ANKRD34B: variants seen among roughly 807,000 people sequenced by gnomAD.
The protein encoded by ANKRD34B is ankyrin repeat domain 34B, also known as ankyrin repeat domain-containing protein 34B.
A neutral mutation model predicts 4.4 loss-of-function variants in ANKRD34B; 2 were observed. The observed-to-expected ratio is 0.46, with a 90% CI of 0.19 to 1.44. The LOEUF (loss-of-function observed/expected upper bound fraction) is 1.44. Ranked by LOEUF, ANKRD34B falls within the 40% of genes most tolerant of loss-of-function variation. ANKRD34B has a pLI of 0.26. For missense variants in ANKRD34B, 558 were observed against 604.7 expected (o/e 0.92, Z 0.81); for synonymous variants, 226 against 227.1 (o/e 0.99, Z 0.05).
rs1746336850 is a variant in ANKRD34B, at chr5:80,559,049, CA to C, written c.970del (p.Cys324ValfsTer32). The part of the protein sequence containing the change: ...SRKMSYDEIN[C>X]QSYLSEGNQQ... The stretch of plus-strand genomic sequence containing the variant: ...ATTTCCTTCTGAAAGATAAGATTGA[CA>C]ATTTATTTCATCATATGACATCTTC... On this transcript the variant is annotated frameshift_variant, in exon 5 of 5. Transcript: ENST00000338682. LOFTEE classifies it low-confidence loss of function (END_TRUNC). 1 of 1,614,176 alleles carries C rather than the reference CA, an allele frequency of 6.2e-7. No individual in the cohort carries two copies. The highest frequency in any genetic ancestry group is 8.5e-7 in the Non-Finnish European group (1 of 1,180,020).
intron 3 of ANKRD34B, among the ~76,000 whole-genome samples, chr5:80,565,405 C>A: frequency 6.6e-6 from 1 of 152,214 alleles, no homozygotes; most frequent in African/African-American, 2.4e-5. Context: ...TATAAGCAAT[C>A]CCCAAATTCA....
Position 80,559,940 on chromosome 5 carries a change from C to G in ANKRD34B, c.80G>C (p.Arg27Thr). The G allele has an allele frequency of 1.2e-6, 2 of 1,614,102 alleles. No homozygotes were observed. Among genetic ancestry groups the G allele is most frequent in the Non-Finnish European group, 1.7e-6 (2 of 1,179,990 alleles). Residue 27 changes from arginine to threonine, a missense_variant, in exon 5 of 5, where the codon AGA becomes ACA. Physicochemically the swap from Arg to Thr is moderately conservative, Grantham distance 71 (BLOSUM62 -1). Coordinates refer to ENST00000338682, the MANE Select transcript of ANKRD34B (RefSeq NM_001004441.3). Reference protein sequence around the residue: ...AVHQSRLRLTRLLLEGGAYIN... With the variant: ...AVHQSRLRLTTLLLEGGAYIN... ...GTAGGCACCGCCTTCTAGCAAAAGT[C>G]TTGTGAGGCGAAGCCGGCTCTGATG...
chr5:80,567,957 A>G, intron 2 of ANKRD34B, among the ~76,000 whole-genome samples: 1 of 152,178 alleles, frequency 6.6e-6, no homozygotes, highest in Non-Finnish European at 1.5e-5. Flanking sequence ...AATGGGGATA[A>G]TATCTACTTT....
At position 80,558,861 on chromosome 5, in the gene ANKRD34B, C is replaced by G. The variant is rs373195260; in HGVS notation, c.1159G>C (p.Gly387Arg). 2 of 1,613,892 alleles carry G rather than the reference C, an allele frequency of 1.2e-6. No individual in the cohort carries two copies. Among genetic ancestry groups the G allele is most frequent in the South Asian group, 1.1e-5 (1 of 91,054 alleles). Residue 387 changes from glycine to arginine, a missense_variant, in exon 5 of 5, where the codon GGC becomes CGC. Transcript: ENST00000338682. ...AGLTPPTSED[G>R]KALIGKKKIL... ...TTTTTCTTTCCTATAAGTGCTTTGC[C>G]GTCTTCTGAAGTTGGAGGGGTAAGG... is the stretch of plus-strand genomic sequence containing the variant.
chr5:80,558,451 G>A lies in ANKRD34B; in HGVS notation c.*24C>T. Reference sequence around the variant, plus strand: ...TGTTTCTCTGATATAAACATTTGAAGAAGATGTGTTTTATACCCATCTCCT... The same window carrying A: ...TGTTTCTCTGATATAAACATTTGAAAAAGATGTGTTTTATACCCATCTCCT... On this transcript the variant is annotated 3_prime_UTR_variant, in exon 5 of 5. Transcript: ENST00000338682. The A allele has an allele frequency of 6.8e-7, 1 of 1,475,214 alleles. No individual in the cohort carries two copies. The highest frequency in any genetic ancestry group is 9.3e-7 in the Non-Finnish European group (1 of 1,076,190). The allele number at this position is 1,475,214 out of a possible 1,614,324, so 91.4% of individuals were successfully genotyped here. A position where few individuals can be genotyped will look rare whatever the true frequency, so the allele number is the denominator to read the frequency against.
intron 2 of ANKRD34B, among the ~76,000 whole-genome samples, chr5:80,568,652 A>G (rs1437813337): frequency 1.3e-5 from 2 of 152,176 alleles, no homozygotes; most frequent in Non-Finnish European, 2.9e-5. Context: ...AGAATAAAAG[A>G]TGCATCTGAG....
intron 4 of ANKRD34B, among the ~76,000 whole-genome samples, chr5:80,561,893 AT>A (rs1455562834): frequency 6.6e-6 from 1 of 151,736 alleles, no homozygotes; most frequent in Non-Finnish European, 1.5e-5. Context: ...TAGGGTTAAT[AT>A]GGCAGAACAC....
chr5:80,560,291 C>A (rs1181523817), intron 4 of ANKRD34B, among the ~76,000 whole-genome samples: 2 of 152,084 alleles, frequency 1.3e-5, no homozygotes, highest in Non-Finnish European at 2.9e-5. Context: ...CAAAATAGTA[C>A]TTTCCTAAGT....
chr5:80,569,936 C>T (rs1242642054), intron 1 of ANKRD34B, among the ~76,000 whole-genome samples: 1 of 152,182 alleles, frequency 6.6e-6, no homozygotes, highest in Non-Finnish European at 1.5e-5. Flanking sequence ...CGGCGGCCCT[C>T]GGCTGGCCCT....
chr5:80,566,502 A>C (rs1561395400), intron 3 of ANKRD34B, among the ~76,000 whole-genome samples, 187 bp downstream of exon 3: 1 of 152,192 alleles, frequency 6.6e-6, no homozygotes, highest in South Asian at 2.1e-4. Flanking sequence ...TGTGCAGGCC[A>C]AACGTTGAAG....
intron 3 of ANKRD34B, among the ~76,000 whole-genome samples, chr5:80,565,793 A>G (rs1168767207): frequency 6.6e-6 from 1 of 152,008 alleles, no homozygotes; most frequent in Admixed American, 6.5e-5. Flanking sequence ...CTAAGATGCT[A>G]TGCTTCTTCT....
At chr5:80,569,285 G>C (rs914327766) in intron 1 of ANKRD34B, among the ~76,000 whole-genome samples, 178 bp from the exon 2 acceptor site, 3 of 152,172 alleles carry the variant, frequency 2.0e-5, no homozygotes, top group African/African-American at 7.2e-5. Flanking sequence ...TCCCTGCGCC[G>C]CTCGCCCGCC....
chr5:80,564,010 A>G (rs1355805717), intron 3 of ANKRD34B, among the ~76,000 whole-genome samples, 195 bp from the exon 4 acceptor site: 1 of 152,220 alleles, frequency 6.6e-6, no homozygotes, highest in East Asian at 1.9e-4. Context: ...TTTGACCAAA[A>G]GTAGCATTTG....
intron 3 of ANKRD34B, 52 bp downstream of exon 3, chr5:80,566,637 T>C (rs1233633779): frequency 1.3e-5 from 2 of 152,556 alleles, no homozygotes; most frequent in East Asian, 1.9e-4. Flanking sequence ...ATTCAAACCA[T>C]AACTGCATTC....
intron 2 of ANKRD34B, among the ~76,000 whole-genome samples, chr5:80,567,544 T>C (rs932467315): frequency 8.4e-5 from 12 of 143,454 alleles, no homozygotes; most frequent in Non-Finnish European, 1.6e-4. Context: ...TCACTTGAAC[T>C]CGGGAGGCGG....
rs1291304333 is a variant in ANKRD34B, at chr5:80,558,585, CT to C, written c.1434del (p.Val479CysfsTer20). The C allele has an allele frequency of 3.1e-6, 5 of 1,613,956 alleles. No homozygotes were observed. The highest frequency in any genetic ancestry group is 4.2e-6 in the Non-Finnish European group (5 of 1,179,974). Reference protein sequence around the residue: ...KICSLLSCGQKVLMPTVPIFP... With the variant: ...KICSLLSCGQXVLMPTVPIFP... ...AAAATCGGAACTGTTGGCATAAGCA[CT>C]TTTTGACCACAAGAAAGAAGGCTGC... On this transcript the variant is annotated frameshift_variant, in exon 5 of 5. Coordinates refer to ENST00000338682, the MANE Select transcript of ANKRD34B (RefSeq NM_001004441.3). LOFTEE classifies it high-confidence loss of function.
intron 1 of ANKRD34B, among the ~76,000 whole-genome samples, chr5:80,569,524 G>A (rs1045033272): frequency 2.0e-5 from 3 of 152,142 alleles, no homozygotes; most frequent in Admixed American, 6.5e-5. Context: ...TCCCCAGCCC[G>A]CCCCCAGCGC....
Position 80,559,995 on chromosome 5 carries a change from T to C in ANKRD34B, c.25A>G (p.Ser9Gly), listed in dbSNP as rs1561393269. The change falls in exon 5 of 5, where the codon AGT (serine) becomes GGT (glycine). Residue 9 changes from serine to glycine, a missense_variant. Coordinates refer to ENST00000338682, the MANE Select transcript of ANKRD34B (RefSeq NM_001004441.3). MDEGMEIS[S>G]EGNSLIKAVH... ...GCTTTGATCAAGGAATTTCCTTCACTTGAAATTTCCATACCTTCATCCATC... is the reference window on the plus strand; with the variant it reads ...GCTTTGATCAAGGAATTTCCTTCACCTGAAATTTCCATACCTTCATCCATC... The C allele has an allele frequency of 6.3e-7, 1 of 1,593,046 alleles. No homozygotes were observed. Among genetic ancestry groups the C allele is most frequent in the East Asian group, 2.2e-5 (1 of 44,634 alleles).
Position 80,564,702 on chromosome 5 carries a change from C to CTTTT in ANKRD34B, c.-104-891_-104-888dup, listed in dbSNP as rs34992073. ...TTAAAGCCACTTTGTTTGCTCACTT[C>CTTTT]TTTTTTTTTTTTTTTTTTTTGAGAT... On this transcript the variant is annotated intron_variant, in intron 3 of 4. Coordinates refer to ENST00000338682, the MANE Select transcript of ANKRD34B (RefSeq NM_001004441.3). Among the ~76,000 whole-genome samples the CTTTT allele has an allele frequency of 1.7e-3, 184 of 111,484 alleles. 4 individuals are homozygous for CTTTT. Among genetic ancestry groups the CTTTT allele is most frequent in the East Asian group, 2.7e-3 (10 of 3,674 alleles). 73.1% of individuals were successfully genotyped at this position (111,484 alleles called of 152,430 possible).
Sources: gnomAD v4.1 joint callset for allele counts (sites outside exome capture counted in the v4.1 genomes callset) on GRCh38, gnomAD v4.1.1 for gene constraint, MANE v1.5 for transcripts, NCBI Gene and HGNC (gene_info 2026-07-23, HGNC 2026-07-21) for gene names.